CCDC73: variants seen among roughly 807,000 people sequenced by gnomAD.
CCDC73 encodes coiled-coil domain containing 73.
Under a neutral mutation model 116.5 loss-of-function variants are expected in CCDC73, and 95 were observed. The ratio of observed to expected loss-of-function variants is 0.82; its 90% CI spans 0.69 to 0.97. The LOEUF (loss-of-function observed/expected upper bound fraction) is 0.97. CCDC73 is among the 50% of genes least tolerant of loss of function. The pLI is 0.00. For missense variants in CCDC73, 1,066 were observed against 1,206.8 expected, an observed-to-expected ratio of 0.88 and a Z score of 1.73; for synonymous variants, 398 against 401.3, an observed-to-expected ratio of 0.99 and a Z score of 0.10.
At chr11:32,628,694 A>C (rs1855598903) in intron 14 of CCDC73, among the ~76,000 whole-genome samples, 1 of 152,250 alleles carries the variant, frequency 6.6e-6, no homozygotes. Context: ...ACCTCCTGTG[A>C]AACTTTGACA....
intron 7 of CCDC73, among the ~76,000 whole-genome samples, chr11:32,678,071 G>GAGT (rs1856107607): frequency 6.6e-6 from 1 of 151,696 alleles, no homozygotes. Flanking sequence ...TTGAAGTCAG[G>GAGT]AGTTCGAGAC....
intron 6 of CCDC73, among the ~76,000 whole-genome samples, chr11:32,687,448 T>C (rs1856212177): frequency 6.6e-6 from 1 of 152,186 alleles, no homozygotes; most frequent in African/African-American, 2.4e-5. Flanking sequence ...ACTGGTTATG[T>C]AACAGGGTGT....
chr11:32,810,897 G>A, the CCDC73 span, among the ~76,000 whole-genome samples: 3 of 152,048 alleles, frequency 2.0e-5, no homozygotes, highest in African/African-American at 4.8e-5. Context: ...TTGGGAGGCC[G>A]AGGCGGGTGG....
At chr11:32,816,194 A>G in the CCDC73 span, among the ~76,000 whole-genome samples, 1 of 152,200 alleles carries the variant, frequency 6.6e-6, no homozygotes, top group East Asian at 1.9e-4. Flanking sequence ...CTAAAGTGAG[A>G]TAATATGTCT....
At chr11:32,685,776 C>T (rs1023327111) in intron 6 of CCDC73, among the ~76,000 whole-genome samples, 11 of 131,136 alleles carry the variant, frequency 8.4e-5, no homozygotes, top group Non-Finnish European at 1.4e-4. Flanking sequence ...GGTTGGAGTG[C>T]AGTGGTGCGA....
intron 6 of CCDC73, among the ~76,000 whole-genome samples, chr11:32,698,905 A>G (rs934305660): frequency 2.0e-5 from 3 of 152,202 alleles, no homozygotes; most frequent in African/African-American, 7.2e-5. Context: ...TACTTAGCAC[A>G]TAGCAAAAAT....
At chr11:32,666,855 G>C (rs1029915041) in intron 9 of CCDC73, among the ~76,000 whole-genome samples, 1 of 151,926 alleles carries the variant, frequency 6.6e-6, no homozygotes, top group Admixed American at 6.6e-5. Context: ...TGTCCTTTCT[G>C]TTTGTTAGTC....
At chr11:32,737,297 T>C (rs1035295702) in intron 2 of CCDC73, among the ~76,000 whole-genome samples, 5 of 148,490 alleles carry the variant, frequency 3.4e-5, no homozygotes, top group East Asian at 2.0e-4. Flanking sequence ...CATAGGATAT[T>C]TTGACACAGG....
chr11:32,828,153 A>C, the CCDC73 span, among the ~76,000 whole-genome samples: 26 of 152,318 alleles, frequency 1.7e-4, no homozygotes, highest in South Asian at 4.1e-4. Flanking sequence ...ATCAATAATA[A>C]TAATAAAATA....
At chr11:32,718,722 C>T (rs548031137) in intron 2 of CCDC73, among the ~76,000 whole-genome samples, 1 of 152,284 alleles carries the variant, frequency 6.6e-6, no homozygotes, top group East Asian at 1.9e-4. Context: ...AAACCCTCTG[C>T]AGCTGGGCAA....
chr11:32,773,479 T>C (rs1175175666), intron 1 of CCDC73, among the ~76,000 whole-genome samples: 1 of 152,130 alleles, frequency 6.6e-6, no homozygotes, highest in Non-Finnish European at 1.5e-5. Flanking sequence ...AGTGGAATGA[T>C]ACATTAAAAA....
chr11:32,767,997 A>C (rs904710710), intron 1 of CCDC73, among the ~76,000 whole-genome samples: 7 of 152,256 alleles, frequency 4.6e-5, no homozygotes, highest in East Asian at 1.9e-4. Flanking sequence ...ATTATAAAGC[A>C]TGCTGCTATA....
At chr11:32,777,592 A>T (rs745812780) in intron 1 of CCDC73, among the ~76,000 whole-genome samples, 5 of 152,288 alleles carry the variant, frequency 3.3e-5, no homozygotes, top group Admixed American at 1.3e-4. Context: ...ATAATTCTGA[A>T]GAAAATACAG....
At chr11:32,724,068 A>G (rs1850011633) in intron 2 of CCDC73, among the ~76,000 whole-genome samples, 1 of 152,142 alleles carries the variant, frequency 6.6e-6, no homozygotes, top group Non-Finnish European at 1.5e-5. Context: ...GGGTATAAAG[A>G]TATACATTCT....
chr11:32,627,876 C>T (rs1044689844), intron 14 of CCDC73, among the ~76,000 whole-genome samples: 1 of 151,932 alleles, frequency 6.6e-6, no homozygotes, highest in Non-Finnish European at 1.5e-5. Context: ...TGTTAAATGA[C>T]GAGTTAATGG....
intron 14 of CCDC73, among the ~76,000 whole-genome samples, chr11:32,618,342 AAG>A (rs1855492720): frequency 6.6e-6 from 1 of 152,132 alleles, no homozygotes; most frequent in Admixed American, 6.5e-5. Flanking sequence ...ATGAACATAA[AAG>A]TACATGTGTC....
chr11:32,776,989 G>GTA (rs71063758), intron 1 of CCDC73, among the ~76,000 whole-genome samples: 10,226 of 99,986 alleles, frequency 0.1, 444 homozygotes, highest in Middle Eastern at 0.13. Flanking sequence ...ATATACACAT[G>GTA]TATATATATA....
chr11:32,703,068 G>T, intron 3 of CCDC73, 124 bp from the exon 4 acceptor site: 2 of 721,126 alleles, frequency 2.8e-6, no homozygotes, highest in Non-Finnish European at 4.9e-6. Context: ...TTGTGTTCCT[G>T]GAATGCAACT....
At chr11:32,799,877 T>G in the CCDC73 span, among the ~76,000 whole-genome samples, 1 of 152,224 alleles carries the variant, frequency 6.6e-6, no homozygotes, top group African/African-American at 2.4e-5. Context: ...TTGTTATAGT[T>G]ACAGCACTTA....
Sources: allele counts gnomAD v4.1 joint callset (sites outside exome capture counted in the v4.1 genomes callset), GRCh38; gene constraint gnomAD v4.1.1; transcripts MANE v1.5; gene names NCBI Gene and HGNC (gene_info 2026-07-23, HGNC 2026-07-21).